Variants in PHLPP1 observed in about 807,000 individuals in gnomAD.
PHLPP1 encodes the protein PH domain and leucine rich repeat protein phosphatase 1, also known as PH domain leucine-rich repeat-containing protein phosphatase 1.
A neutral mutation model predicts 117.2 loss-of-function variants in PHLPP1; 42 were observed. The observed-to-expected ratio is 0.36, with a 90% CI of 0.28 to 0.46. The LOEUF (loss-of-function observed/expected upper bound fraction) is 0.46, where lower values mean the gene tolerates loss of function less well. Ranked by LOEUF, PHLPP1 falls within the 20% of genes least tolerant of loss-of-function variation. The pLI is 1.00. For missense variants in PHLPP1, 2,084 were observed against 2,241.9 expected (o/e 0.93, Z 1.42); for synonymous variants, 1,042 against 970.7 (o/e 1.07, Z -1.37).
chr18:62,931,721 C>T (rs541757981), intron 10 of PHLPP1, among the ~76,000 whole-genome samples: 25 of 151,676 alleles, frequency 1.6e-4, no homozygotes, highest in African/African-American at 5.3e-4. Context: ...GGTGAAACCC[C>T]ATCTCTACTA....
intron 1 of PHLPP1, among the ~76,000 whole-genome samples, chr18:62,737,908 G>A (rs1044037483): frequency 6.7e-6 from 1 of 149,774 alleles, no homozygotes; most frequent in South Asian, 2.1e-4. Flanking sequence ...TATATGTGGA[G>A]GGGGGAAGGG....
In PHLPP1 at chr18:62,848,455, ATTTTTTTTTT is replaced by A. The variant is rs56223512; in HGVS notation, c.1899+9562_1899+9571del. 2.6e-3 allele frequency among the ~76,000 whole-genome samples: 228 copies of A among 88,530 alleles called. 1 individual carries two copies. Among genetic ancestry groups the A allele is most frequent in the East Asian group, 0.018 (53 of 2,866 alleles). The allele number at this position is 88,530 out of a possible 152,430, so 58.1% of individuals were successfully genotyped here. On this transcript the variant is annotated intron_variant, in intron 3 of 16. Transcript: ENST00000262719. ...ATTCTATGAGGTTGGTTTTTTGTTG[ATTTTTTTTTT>A]TTTTTTTTTTTTTTTGAGACAGGGT...
intron 1 of PHLPP1, among the ~76,000 whole-genome samples, chr18:62,803,357 G>GCTTTTCCCCCTCCTAGTTATTACCTA (rs1913841155): frequency 6.6e-6 from 1 of 151,752 alleles, no homozygotes; most frequent in African/African-American, 2.4e-5. Flanking sequence ...CAAGTCCCCC[G>GCTTTTCCCCCTCCTAGTTATTACCTA]CTTTTCCCCC....
At chr18:62,923,401 C>T (rs1279751237) in intron 10 of PHLPP1, among the ~76,000 whole-genome samples, 2 of 152,140 alleles carry the variant, frequency 1.3e-5, no homozygotes, top group African/African-American at 2.4e-5. Flanking sequence ...CCTTTGTTTT[C>T]CAAGCTGTAA....
chr18:62,748,236 G>C (rs1270377224), intron 1 of PHLPP1, among the ~76,000 whole-genome samples: 2 of 147,416 alleles, frequency 1.4e-5, no homozygotes, highest in East Asian at 1.9e-4. Context: ...ATTCAGGATA[G>C]GGTTTTTTTT....
At position 62,716,555 on chromosome 18, in the gene PHLPP1, TC is replaced by T; in HGVS notation, c.873del (p.Phe291LeufsTer62). 8.4e-7 allele frequency: 1 copy of T among 1,187,522 alleles called. No individual in the cohort carries two copies. The highest frequency in any genetic ancestry group is 1.0e-6 in the Non-Finnish European group (1 of 960,230). 73.6% of individuals were successfully genotyped at this position (1,187,522 alleles called of 1,614,324 possible). A position where few individuals can be genotyped will look rare whatever the true frequency, so the allele number is the denominator to read the frequency against. ...VPPARSAPGAFGGPPRAPPAD... is the reference protein window; with the variant it reads ...VPPARSAPGAXGGPPRAPPAD... ...CCCGCGAGGAGCGCGCCGGGTGCCT[TC>T]GGGGGGCCTCCGCGCGCGCCCCCCG... is the stretch of plus-strand genomic sequence containing the variant. On this transcript the variant is annotated frameshift_variant, in exon 1 of 17. Transcript: ENST00000262719. LOFTEE classifies it high-confidence loss of function. The surrounding 1 kb of genome is among the most constrained non-coding windows in gnomAD (Gnocchi z 5.7).
At chr18:62,854,811 C>T (rs1915452539) in intron 3 of PHLPP1, among the ~76,000 whole-genome samples, 1 of 151,482 alleles carries the variant, frequency 6.6e-6, no homozygotes, top group Non-Finnish European at 1.5e-5. Context: ...ATTCTCCTGC[C>T]TCAGCCTCCT....
chr18:62,970,427 T>C (rs1341628020), intron 14 of PHLPP1, among the ~76,000 whole-genome samples: 1 of 152,236 alleles, frequency 6.6e-6, no homozygotes, highest in Non-Finnish European at 1.5e-5. Context: ...TAGAATATTA[T>C]TGAATATTCT....
At chr18:62,822,281 TTTTTG>T (rs1914487050) in intron 1 of PHLPP1, among the ~76,000 whole-genome samples, 2 of 110,618 alleles carry the variant, frequency 1.8e-5, no homozygotes, top group African/African-American at 8.6e-5. Flanking sequence ...TTTTTTTTTG[TTTTTG>T]TTTTTTTTTT....
chr18:62,966,710 C>T (rs1306719563), intron 14 of PHLPP1, among the ~76,000 whole-genome samples: 2 of 152,118 alleles, frequency 1.3e-5, no homozygotes, highest in Admixed American at 6.5e-5. Flanking sequence ...ACCTCATGAT[C>T]CGCCCGCCTC....
intron 1 of PHLPP1, among the ~76,000 whole-genome samples, chr18:62,815,399 G>A (rs892068808): frequency 2.0e-5 from 3 of 151,856 alleles, no homozygotes; most frequent in Non-Finnish European, 4.4e-5. Context: ...CCTAGTGATC[G>A]CCTGCCTCAG....
chr18:62,777,423 T>C (rs1353776047), intron 1 of PHLPP1, among the ~76,000 whole-genome samples: 18 of 151,844 alleles, frequency 1.2e-4, no homozygotes, highest in Non-Finnish European at 1.5e-5. Flanking sequence ...ATATGCTGGA[T>C]ATTAGTCCTT....
At chr18:62,868,089 C>G (rs925867983) in intron 4 of PHLPP1, among the ~76,000 whole-genome samples, 1 of 152,116 alleles carries the variant, frequency 6.6e-6, no homozygotes, top group Non-Finnish European at 1.5e-5. Context: ...GGATTACAAG[C>G]GTGAGCCACT....
intron 1 of PHLPP1, among the ~76,000 whole-genome samples, chr18:62,764,841 TTTAA>T (rs1388113066): frequency 6.6e-6 from 1 of 152,252 alleles, no homozygotes; most frequent in Non-Finnish European, 1.5e-5. Flanking sequence ...CCTTGTCTCC[TTTAA>T]TTATTGACAG....
intron 1 of PHLPP1, among the ~76,000 whole-genome samples, chr18:62,813,428 G>GAGGA (rs1474860660): frequency 6.6e-6 from 1 of 152,158 alleles, no homozygotes; most frequent in Non-Finnish European, 1.5e-5. Flanking sequence ...AAGAGAGATG[G>GAGGA]AGGAAGGAAG....
At chr18:62,792,293 G>A (rs762123339) in intron 1 of PHLPP1, among the ~76,000 whole-genome samples, 4 of 152,190 alleles carry the variant, frequency 2.6e-5, no homozygotes, top group Non-Finnish European at 5.9e-5. Flanking sequence ...TGAATTGTTA[G>A]TGCCAGAGTA....
chr18:62,758,573 G>T (rs759333303), intron 1 of PHLPP1, among the ~76,000 whole-genome samples: 2 of 152,156 alleles, frequency 1.3e-5, no homozygotes, highest in African/African-American at 2.4e-5. Context: ...CTAAAGTAAA[G>T]AGCCTCTGAC....
chr18:62,868,764 T>A (rs1355381416), intron 4 of PHLPP1, among the ~76,000 whole-genome samples: 1 of 152,186 alleles, frequency 6.6e-6, no homozygotes, highest in African/African-American at 2.4e-5. Flanking sequence ...GAAAAATAAT[T>A]GCAAAGAACA....
At chr18:62,759,631 A>T (rs531792062) in intron 1 of PHLPP1, among the ~76,000 whole-genome samples, 1 of 152,306 alleles carries the variant, frequency 6.6e-6, no homozygotes, top group East Asian at 1.9e-4. Flanking sequence ...CTATGCTTTG[A>T]TGGCTAAAAT....
Sources: gnomAD v4.1 joint callset for allele counts (sites outside exome capture counted in the v4.1 genomes callset) on GRCh38, gnomAD v4.1.1 for gene constraint, Gnocchi (gnomAD v3.1) non-coding constraint, MANE v1.5 for transcripts, NCBI Gene and HGNC (gene_info 2026-07-23, HGNC 2026-07-21) for gene names.